MTAP: variants seen among roughly 807,000 people sequenced by gnomAD.
MTAP encodes methylthioadenosine phosphorylase.
In MTAP, 33 loss-of-function variants were observed where a neutral mutation model predicts 33.6. That is an observed-to-expected ratio of 0.98 (90% CI 0.74 to 1.31). The LOEUF is 1.31. MTAP is among the 40% of genes most tolerant of loss of function. MTAP has a pLI of 0.00. For synonymous variants in MTAP, 148 were observed against 125.7 expected (o/e 1.18, Z -1.19); for missense variants, 367 against 360.0 (o/e 1.02, Z -0.16).
At chr9:21,875,217 G>C (rs1304149630) in intron 1 of MTAP, among the ~76,000 whole-genome samples, 1 of 151,990 alleles carries the variant, frequency 6.6e-6, no homozygotes, top group African/African-American at 2.4e-5. Flanking sequence ...TGGGTCAAAT[G>C]GTATTTCTAG....
At chr9:21,909,205 T>C (rs1283167395) in intron 1 of MTAP, among the ~76,000 whole-genome samples, 1 of 152,144 alleles carries the variant, frequency 6.6e-6, no homozygotes, top group Non-Finnish European at 1.5e-5. Context: ...TGAGAATGTC[T>C]TAATTTTCCC....
chr9:21,859,779 GATCCATTCAAATTTGTGGCA>G (rs1411480403), intron 7 of MTAP: 1 of 162,430 alleles, frequency 6.2e-6, no homozygotes, highest in African/African-American at 2.4e-5. Flanking sequence ...CTCTTTGGCA[GATCCATTCAAATTTGTGGCA>G]ATCCTTTAAA....
At chr9:21,909,703 G>A (rs1818538430) in intron 1 of MTAP, among the ~76,000 whole-genome samples, 1 of 152,112 alleles carries the variant, frequency 6.6e-6, no homozygotes, top group Non-Finnish European at 1.5e-5. Context: ...ACTGTGCTAA[G>A]CATAAAAATA....
downstream of MTAP, chr9:21,932,541 T>A (rs561442384): frequency 4.1e-4 from 63 of 152,374 alleles, no homozygotes; most frequent in African/African-American, 1.5e-3. Context: ...TGGCTCCACC[T>A]GGACCCACCA....
At chr9:21,930,982 AT>A in intron 1 of MTAP, 1 of 752,432 alleles carries the variant, frequency 1.3e-6, no homozygotes, top group Non-Finnish European at 2.4e-6. Flanking sequence ...TAATAACCCA[AT>A]TTGTCTCCTT....
At chr9:21,808,206 A>G (rs1824255142) in intron 1 of MTAP, among the ~76,000 whole-genome samples, 1 of 152,334 alleles carries the variant, frequency 6.6e-6, no homozygotes, top group Non-Finnish European at 1.5e-5. Flanking sequence ...AAGGGTGGCC[A>G]TCTACATTTT....
At chr9:21,806,460 T>C (rs1486891294) in intron 1 of MTAP, among the ~76,000 whole-genome samples, 1 of 152,064 alleles carries the variant, frequency 6.6e-6, no homozygotes, top group Non-Finnish European at 1.5e-5. Flanking sequence ...TCCTCCCAGA[T>C]ACTGCTGGTT....
intron 1 of MTAP, chr9:21,811,638 T>A (rs1329709933): frequency 1.9e-6 from 1 of 516,840 alleles, no homozygotes; most frequent in Non-Finnish European, 3.9e-6. Context: ...ACCTCCTCCT[T>A]GGCTCACTCA....
intron 1 of MTAP, among the ~76,000 whole-genome samples, chr9:21,877,509 C>G (rs1173013108): frequency 1.3e-5 from 2 of 152,054 alleles, no homozygotes; most frequent in African/African-American, 4.8e-5. Context: ...ATAGACGGCT[C>G]TTATTATTTT....
chr9:21,822,851 C>G (rs1824681867), intron 4 of MTAP, among the ~76,000 whole-genome samples: 1 of 152,312 alleles, frequency 6.6e-6, no homozygotes, highest in South Asian at 2.1e-4. Context: ...GTTGGCTCTT[C>G]TTGTTGAATT....
At chr9:21,917,436 A>C (rs1228843337) in intron 1 of MTAP, among the ~76,000 whole-genome samples, 1 of 152,228 alleles carries the variant, frequency 6.6e-6, no homozygotes, top group Non-Finnish European at 1.5e-5. Flanking sequence ...AGAAGAAATC[A>C]GCAAAGGAGA....
At chr9:21,805,361 A>G (rs1183835712) in intron 1 of MTAP, among the ~76,000 whole-genome samples, 1 of 152,234 alleles carries the variant, frequency 6.6e-6, no homozygotes, top group Admixed American at 6.5e-5. Context: ...TATTTATTGA[A>G]TACCTGCTAG....
rs970122504 is a variant in MTAP at position 21,863,513 on chromosome 9, A to G, written c.*1499A>G. The G allele has an allele frequency of 9.0e-6, 5 of 553,046 alleles. No individual in the cohort carries two copies. The highest frequency in any genetic ancestry group is 1.1e-5 in the Non-Finnish European group (5 of 434,824). The allele number at this position is 553,046 out of a possible 1,614,324, so 34.3% of individuals were successfully genotyped here. Reference sequence around the variant, plus strand: ...TCCCAGCTACTCAGGAGGCTGAGGCAGGAGAATGGTGTGAACCTGGGAGGT... The same window carrying G: ...TCCCAGCTACTCAGGAGGCTGAGGCGGGAGAATGGTGTGAACCTGGGAGGT... On this transcript the variant is annotated 3_prime_UTR_variant, in exon 8 of 8. Transcript: ENST00000644715.
intron 5 of MTAP, among the ~76,000 whole-genome samples, chr9:21,842,076 GAA>G (rs969374669): frequency 2.0e-5 from 3 of 151,970 alleles, no homozygotes; most frequent in African/African-American, 7.2e-5. Flanking sequence ...ATATCATAAA[GAA>G]AAAATAAATC....
At chr9:21,835,630 A>C (rs765938321) in intron 4 of MTAP, among the ~76,000 whole-genome samples, 1 of 152,092 alleles carries the variant, frequency 6.6e-6, no homozygotes, top group Non-Finnish European at 1.5e-5. Flanking sequence ...AAAACTTCTG[A>C]TTTATCTGAT....
intron 6 of MTAP, chr9:21,855,978 C>G (rs1055449424): frequency 6.2e-6 from 1 of 161,692 alleles, no homozygotes; most frequent in Non-Finnish European, 1.3e-5. Flanking sequence ...TTCCTTCAGT[C>G]TCATAATTTT....
intron 3 of MTAP, among the ~76,000 whole-genome samples, chr9:21,817,564 G>C (rs1824514702): frequency 6.6e-6 from 1 of 152,082 alleles, no homozygotes; most frequent in Non-Finnish European, 1.5e-5. Flanking sequence ...CTGCTCCACA[G>C]GCTGTTCACT....
At chr9:21,809,610 G>T (rs1396297414) in intron 1 of MTAP, among the ~76,000 whole-genome samples, 1 of 150,898 alleles carries the variant, frequency 6.6e-6, no homozygotes, top group Non-Finnish European at 1.5e-5. Context: ...CTGCACTCCA[G>T]CCTGGGCGAC....
chr9:21,809,076 CT>C (rs1306424604), intron 1 of MTAP: 4 of 152,330 alleles, frequency 2.6e-5, no homozygotes, highest in African/African-American at 4.8e-5. Flanking sequence ...GGCACCAGCA[CT>C]TCTTGGCCCA....
Sources: allele counts gnomAD v4.1 joint callset (sites outside exome capture counted in the v4.1 genomes callset), GRCh38; gene constraint gnomAD v4.1.1; transcripts MANE v1.5; gene names NCBI Gene and HGNC (gene_info 2026-07-23, HGNC 2026-07-21).